PLEK2: variants seen among roughly 807,000 people sequenced by gnomAD.
PLEK2 encodes the protein pleckstrin 2.
In PLEK2, 29 loss-of-function variants were observed where a neutral mutation model predicts 43.8. The ratio of observed to expected loss-of-function variants is 0.66; its 90% confidence interval spans 0.49 to 0.90. The LOEUF (loss-of-function observed/expected upper bound fraction) is 0.90, where lower values mean the gene tolerates loss of function less well. Among genes scored for constraint, PLEK2 ranks in the 40% least tolerant of loss-of-function variants. The pLI, the probability that PLEK2 is intolerant of heterozygous loss-of-function variation, is 0.00. For missense variants in PLEK2, 398 were observed against 448.1 expected, an observed-to-expected ratio of 0.89 and a Z score of 1.01; for synonymous variants, 162 against 173.2, an observed-to-expected ratio of 0.94 and a Z score of 0.51.
In PLEK2 at chr14:67,388,306, T is replaced by C; in HGVS notation, c.856-4A>G. Reference sequence around the variant, plus strand: ...CACCCACTGGCCTGTTCTCTTCCTGTAGAGGAAAGGAGACCCAATTAGGAA... The same window carrying C: ...CACCCACTGGCCTGTTCTCTTCCTGCAGAGGAAAGGAGACCCAATTAGGAA... On this transcript the variant is annotated splice_region_variant and splice_polypyrimidine_tract_variant and intron_variant, in intron 7 of 8. Coordinates refer to ENST00000216446, the MANE Select transcript of PLEK2 (RefSeq NM_016445.3). 1 of 1,601,284 alleles carries C rather than the reference T, an allele frequency of 6.2e-7. No individual in the cohort carries two copies.
chr14:67,400,690 G>A (rs1454474364), intron 1 of PLEK2, among the ~76,000 whole-genome samples: 4 of 151,846 alleles, frequency 2.6e-5, no homozygotes, highest in African/African-American at 9.7e-5. Context: ...TAGAGGAGAG[G>A]GCAAAAGAAT....
chr14:67,393,350 C>T, intron 3 of PLEK2, 109 bp from the exon 4 acceptor site: 4 of 779,204 alleles, frequency 5.1e-6, no homozygotes, highest in Non-Finnish European at 9.4e-6. Context: ...AATGGTGTGA[C>T]ACACATCACA....
intron 1 of PLEK2, among the ~76,000 whole-genome samples, chr14:67,410,811 C>T (rs1312354844): frequency 6.6e-6 from 1 of 152,182 alleles, no homozygotes; most frequent in Non-Finnish European, 1.5e-5. Context: ...TGTCTCTTTG[C>T]TATGCCATCA....
chr14:67,402,053 C>T (rs891521896), intron 1 of PLEK2, among the ~76,000 whole-genome samples: 2 of 152,146 alleles, frequency 1.3e-5, no homozygotes, highest in African/African-American at 4.8e-5. Flanking sequence ...ATCACTTAAA[C>T]TCAGGAGGCG....
chr14:67,405,427 A>T (rs1379241819), intron 1 of PLEK2, among the ~76,000 whole-genome samples: 1 of 152,084 alleles, frequency 6.6e-6, no homozygotes, highest in African/African-American at 2.4e-5. Flanking sequence ...ATAATATGGC[A>T]CCAAGGCAAA....
In PLEK2 at chr14:67,392,713, A is replaced by G; in HGVS notation, c.618T>C (p.Ser206=). The stretch of plus-strand genomic sequence containing the variant: ...CCAGGAACTGCTCGGCCAGATCCCC[A>G]GAGCGAATGGCTCCCATGCTTCGGA... The part of the protein sequence containing the change: ...VGVRSMGAIR[S]GDLAEQFLDD... The change falls in exon 5 of 9, where the codon TCT becomes TCC. Residue 206 remains serine, a synonymous_variant. Transcript: ENST00000216446. The G allele has an allele frequency of 1.2e-6, 2 of 1,614,222 alleles. No individual in the cohort carries two copies. Among genetic ancestry groups the G allele is most frequent in the South Asian group, 2.2e-5 (2 of 91,078 alleles).
intron 1 of PLEK2, among the ~76,000 whole-genome samples, chr14:67,406,700 G>A (rs1350851468): frequency 6.6e-6 from 1 of 152,220 alleles, no homozygotes; most frequent in Non-Finnish European, 1.5e-5. Context: ...TGAGACTGGA[G>A]TGGGGAGCTC....
chr14:67,388,336 T>C (rs2085941886), intron 7 of PLEK2, 34 bp from the exon 8 acceptor site: 3 of 1,376,634 alleles, frequency 2.2e-6, no homozygotes, highest in Non-Finnish European at 3.1e-6. Flanking sequence ...TAGGAATTTG[T>C]GAATGAACAA....
At position 67,387,470 on chromosome 14, in the gene PLEK2, A is replaced by G. The variant is rs537587655; in HGVS notation, c.935-14T>C. On this transcript the variant is annotated splice_polypyrimidine_tract_variant and intron_variant, in intron 8 of 8. Coordinates refer to ENST00000216446, the MANE Select transcript of PLEK2 (RefSeq NM_016445.3). Reference sequence around the variant, plus strand: ...TCCCTTTAACCCCTAGGCAGAAAAAAGGGGGAAAAAAATCAGTGATTGAAT... The same window carrying G: ...TCCCTTTAACCCCTAGGCAGAAAAAGGGGGGAAAAAAATCAGTGATTGAAT... 3.8e-6 allele frequency: 6 copies of G among 1,596,806 alleles called. No homozygotes were observed. In the Admixed American group the frequency reaches 5.4e-5, roughly 14 times the overall value.
chr14:67,407,467 G>T (rs2086086695), intron 1 of PLEK2, among the ~76,000 whole-genome samples: 1 of 151,502 alleles, frequency 6.6e-6, no homozygotes, highest in African/African-American at 2.4e-5. Flanking sequence ...TTGAGGCAGG[G>T]TCTCATTTGG....
Position 67,390,671 on chromosome 14 carries a change from G to A in PLEK2, c.847C>T (p.Pro283Ser), listed in dbSNP as rs1428986406. Residue 283 changes from proline to serine, a missense_variant, in exon 7 of 9, where the codon CCT (proline) becomes TCT (serine). Transcript: ENST00000216446. ...CCAGCATGCGCACTCACTTTGGAAG[G>A]GTCATAGTAATGCAGGAAAGCTGGA... ...KDPAFLHYYD[P>S]SKEENRPVGG... 14 of 1,609,846 alleles carry A rather than the reference G, an allele frequency of 8.7e-6. No individual in the cohort carries two copies. The highest frequency in any genetic ancestry group is 1.2e-5 in the Non-Finnish European group (14 of 1,176,226).
At chr14:67,395,846 C>G (rs1257103928) in intron 2 of PLEK2, among the ~76,000 whole-genome samples, 1 of 152,138 alleles carries the variant, frequency 6.6e-6, no homozygotes, top group African/African-American at 2.4e-5. Context: ...GTTCTGTTCT[C>G]TCTTCTAGAA....
intron 1 of PLEK2, among the ~76,000 whole-genome samples, chr14:67,399,242 G>C (rs113422228): frequency 0.019 from 2,897 of 149,534 alleles, 33 homozygotes; most frequent in Middle Eastern, 0.035. Context: ...TTAGGTGGCT[G>C]TCAGGTGGCA....
At chr14:67,390,798 T>C in intron 6 of PLEK2, 52 bp from the exon 7 acceptor site, 3 of 1,226,200 alleles carry the variant, frequency 2.4e-6, no homozygotes, top group South Asian at 2.4e-5. Flanking sequence ...CATGTCCCTC[T>C]CTCCTGTATC....
chr14:67,393,222 G>A lies in PLEK2; in HGVS notation c.409C>T (p.His137Tyr). The A allele has an allele frequency of 6.2e-7, 1 of 1,613,544 alleles. No homozygotes were observed. The highest frequency in any genetic ancestry group is 8.5e-7 in the Non-Finnish European group (1 of 1,179,468). The change falls in exon 4 of 9, where the codon CAC becomes TAC. Residue 137 changes from histidine (H) to tyrosine (Y), a missense_variant. Coordinates refer to ENST00000216446, the MANE Select transcript of PLEK2 (RefSeq NM_016445.3). The part of the protein sequence containing the change: ...ISLHRIVDKM[H>Y]DSNTGIRSSP... Reference sequence around the variant, plus strand: ...GAACGGATTCCGGTGTTGCTATCGTGCATCTTGTCCACAATGCGACTACAT... The same window carrying A: ...GAACGGATTCCGGTGTTGCTATCGTACATCTTGTCCACAATGCGACTACAT...
chr14:67,392,699 T>C lies in PLEK2; in HGVS notation c.632A>G (p.Glu211Gly), dbSNP rs1267709556. 6.2e-7 allele frequency: 1 copy of C among 1,614,120 alleles called. No homozygotes were observed. Among genetic ancestry groups the C allele is most frequent in the Non-Finnish European group, 8.5e-7 (1 of 1,179,968 alleles). Residue 211 changes from glutamate (E) to glycine (G), a missense_variant, in exon 5 of 9, where the codon GAG becomes GGG. Transcript: ENST00000216446. ...MGAIRSGDLAEQFLDDSTALY... is the reference protein window; with the variant it reads ...MGAIRSGDLAGQFLDDSTALY... ...GGCTGTGGAGTCATCCAGGAACTGC[T>C]CGGCCAGATCCCCAGAGCGAATGGC... is the stretch of plus-strand genomic sequence containing the variant.
intron 1 of PLEK2, among the ~76,000 whole-genome samples, chr14:67,408,291 T>C (rs2086092988): frequency 1.0e-5 from 1 of 95,872 alleles, no homozygotes; most frequent in Non-Finnish European, 2.0e-5. Context: ...GGTCTCAAAA[T>C]AAATAAATAA....
At chr14:67,394,182 C>G (rs1233944113) in intron 3 of PLEK2, among the ~76,000 whole-genome samples, 2 of 152,172 alleles carry the variant, frequency 1.3e-5, no homozygotes, top group Non-Finnish European at 2.9e-5. Flanking sequence ...TATTTCTATG[C>G]CAGACACACA....
intron 1 of PLEK2, among the ~76,000 whole-genome samples, chr14:67,403,722 A>G (rs1334216920): frequency 6.6e-6 from 1 of 152,238 alleles, no homozygotes; most frequent in Non-Finnish European, 1.5e-5. Context: ...CTTTGACCCA[A>G]TAATACCACT....
Sources: allele counts gnomAD v4.1 joint callset (sites outside exome capture counted in the v4.1 genomes callset), GRCh38; gene constraint gnomAD v4.1.1; transcripts MANE v1.5; gene names NCBI Gene and HGNC (gene_info 2026-07-23, HGNC 2026-07-21).